The following GTPBP1 variants were observed in gnomAD, a reference collection of about 807,000 sequenced individuals.
The protein encoded by GTPBP1 is GTP binding protein 1, also known as GTP-binding protein 1.
Under a neutral mutation model 62.0 loss-of-function variants are expected in GTPBP1, and 23 were observed. The observed-to-expected ratio is 0.37, with a 90% confidence interval of 0.27 to 0.53. GTPBP1 has a LOEUF of 0.53. GTPBP1 is among the 20% of genes least tolerant of loss of function. The pLI, the probability that GTPBP1 is intolerant of heterozygous loss-of-function variation, is 0.89. For missense variants in GTPBP1, 640 were observed against 917.3 expected, an observed-to-expected ratio of 0.70 and a Z score of 3.90; for synonymous variants, 344 against 364.4, an observed-to-expected ratio of 0.94 and a Z score of 0.64.
In GTPBP1 at chr22:38,708,908, A is replaced by G. The variant is rs1226681782; in HGVS notation, c.256A>G (p.Met86Val). ...CCTACTTCGGCAGATGTGGGAGAGGATGGACGAGGGATGCGGAGAGACCAT... is the reference window on the plus strand; with the variant it reads ...CCTACTTCGGCAGATGTGGGAGAGGGTGGACGAGGGATGCGGAGAGACCAT... Reference protein sequence around the residue: ...DSLLRQMWERMDEGCGETIYV... With the variant: ...DSLLRQMWERVDEGCGETIYV... Residue 86 changes from methionine (M) to valine (V), a missense_variant, in exon 2 of 12, where the codon ATG becomes GTG. Met to Val is a conservative substitution (Grantham distance 21). Around this residue, in one of 4 missense-constraint regions of GTPBP1, gnomAD observed 215 missense variants for 235.1 expected, o/e 0.91. Coordinates refer to ENST00000216044, the MANE Select transcript of GTPBP1 (RefSeq NM_004286.5). The G allele has an allele frequency of 1.2e-6, 2 of 1,610,968 alleles. No individual in the cohort carries two copies. Among genetic ancestry groups the G allele is most frequent in the East Asian group, 2.2e-5 (1 of 44,886 alleles).
downstream of GTPBP1, chr22:38,738,968 G>A (rs1370359939): frequency 1.1e-5 from 18 of 1,612,506 alleles, no homozygotes; most frequent in Admixed American, 2.8e-4. The surrounding 1 kb of genome is among the most constrained non-coding windows in gnomAD (Gnocchi z 6.6). Flanking sequence ...TCAGAACATC[G>A]GGTGCTGATG....
Position 38,715,903 on chromosome 22 carries a change from C to T in GTPBP1, c.305-4C>T, listed in dbSNP as rs368274267. On this transcript the variant is annotated splice_region_variant and splice_polypyrimidine_tract_variant and intron_variant, in intron 2 of 11. Transcript: ENST00000216044. ...CCTGCTGATGTCTGGGCTCTTGTCA[C>T]CAGATGGGACTGAGTATGGGCTGAG... 9 of 1,600,490 alleles carry T rather than the reference C, an allele frequency of 5.6e-6. No homozygotes were observed. The highest frequency in any genetic ancestry group is 3.3e-4 in the Middle Eastern group (2 of 6,042).
chr22:38,706,427 C>T (rs2092604937), intron 1 of GTPBP1: 1 of 282,532 alleles, frequency 3.5e-6, no homozygotes, highest in East Asian at 5.9e-5. Flanking sequence ...GGCTCTGCCA[C>T]GTGGAACGGG....
chr22:38,730,980 CTGTT>C lies in GTPBP1; in HGVS notation c.*278_*281del, dbSNP rs1449475978. 9 of 438,710 alleles carry C rather than the reference CTGTT, an allele frequency of 2.1e-5. No homozygotes were observed. Among genetic ancestry groups the C allele is most frequent in the East Asian group, 1.8e-4 (4 of 21,936 alleles). 27.2% of individuals were successfully genotyped at this position (438,710 alleles called of 1,614,324 possible). ...TACATCTGGGCCCTTAGTTTTTATT[CTGTT>C]TATTATATGTCTCTGTCTCTCTCTA... On this transcript the variant is annotated 3_prime_UTR_variant, in exon 12 of 12. Transcript: ENST00000216044. The surrounding 1 kb of genome is among the most constrained non-coding windows in gnomAD (Gnocchi z 5.6).
chr22:38,739,657 C>T, downstream of GTPBP1: 1 of 1,556,316 alleles, frequency 6.4e-7, no homozygotes. The surrounding 1 kb of genome is among the most constrained non-coding windows in gnomAD (Gnocchi z 6.7). Context: ...CAGTGTGGGA[C>T]TGTCCAGGGC....
chr22:38,730,957 C>T lies in GTPBP1; in HGVS notation c.*253C>T. ...CTTCCTCACTCACACATTTTTTGTA[C>T]ATCTGGGCCCTTAGTTTTTATTCTG... On this transcript the variant is annotated 3_prime_UTR_variant, in exon 12 of 12. Transcript: ENST00000216044. This position sits in a 1 kb window ranked among gnomAD's most constrained non-coding sequence, Gnocchi z 5.6. The T allele has an allele frequency of 6.0e-6, 3 of 503,996 alleles. No homozygotes were observed. The highest frequency in any genetic ancestry group is 1.1e-5 in the Non-Finnish European group (3 of 285,324). 31.2% of individuals were successfully genotyped at this position (503,996 alleles called of 1,614,324 possible).
At chr22:38,706,769 G>C (rs1171447287) in intron 1 of GTPBP1, 2 of 152,270 alleles carry the variant, frequency 1.3e-5, no homozygotes, top group African/African-American at 2.4e-5. Context: ...AGGCTCCTTA[G>C]TCTCGCTATC....
Position 38,727,213 on chromosome 22 carries a change from A to G in GTPBP1, c.1402A>G (p.Ile468Val). 6.4e-7 allele frequency: 1 copy of G among 1,570,240 alleles called. No homozygotes were observed. The highest frequency in any genetic ancestry group is 8.6e-7 in the Non-Finnish European group (1 of 1,158,884). Residue 468 changes from isoleucine to valine, a missense_variant and splice_region_variant, in exon 9 of 12, where the codon ATC becomes GTC. Around this residue, in one of 4 missense-constraint regions of GTPBP1, gnomAD observed 220 missense variants for 358.1 expected, o/e 0.61. Transcript: ENST00000216044. This position sits in a 1 kb window ranked among gnomAD's most constrained non-coding sequence, Gnocchi z 6.5. The part of the protein sequence containing the change: ...GQTASFALKK[I>V]KRSSIRKGMV... ...GGCTGGGGCTCCCTCTTTCTTTCAG[A>G]TCAAGCGCTCGTCCATCCGGAAGGG...
At position 38,726,042 on chromosome 22, in the gene GTPBP1, C is replaced by T. The variant is rs141693189; in HGVS notation, c.1110C>T (p.Gly370=). 62 of 1,613,830 alleles carry T rather than the reference C, an allele frequency of 3.8e-5. No individual in the cohort carries two copies. The highest frequency in any genetic ancestry group is 8.0e-5 in the African/African-American group (6 of 74,862). The part of the protein sequence containing the change: ...CPIFQISNVT[G]ENLDLLKMFL... The stretch of plus-strand genomic sequence containing the variant: ...TATTCCAGATCTCCAACGTTACAGG[C>T]GAGAACCTAGATCTGCTGAAGATGT... Residue 370 remains glycine, a synonymous_variant, in exon 7 of 12, where the codon GGC becomes GGT. Coordinates refer to ENST00000216044, the MANE Select transcript of GTPBP1 (RefSeq NM_004286.5). This position sits in a 1 kb window ranked among gnomAD's most constrained non-coding sequence, Gnocchi z 4.1.
chr22:38,725,945 GC>G, intron 6 of GTPBP1, 60 bp from the exon 7 acceptor site: 1 of 1,533,662 alleles, frequency 6.5e-7, no homozygotes, highest in Non-Finnish European at 9.0e-7. Context: ...CTGTGTCAGG[GC>G]AGGACCTGGT....
At position 38,716,513 on chromosome 22, in the gene GTPBP1, C is replaced by T. The variant is rs1471044212; in HGVS notation, c.486-139C>T. 2.4e-5 allele frequency: 16 copies of T among 654,834 alleles called. No individual in the cohort carries two copies. Among genetic ancestry groups the T allele is most frequent in the Non-Finnish European group, 4.0e-5 (15 of 374,784 alleles). 40.6% of individuals were successfully genotyped at this position (654,834 alleles called of 1,614,324 possible). On this transcript the variant is annotated intron_variant, in intron 3 of 11. Coordinates refer to ENST00000216044, the MANE Select transcript of GTPBP1 (RefSeq NM_004286.5). The surrounding 1 kb of genome is among the most constrained non-coding windows in gnomAD (Gnocchi z 5.2). ...TAGGAACCTTCCCACTGTGCTCCTCCGGCTCAAGGAGGAGCTGTGAGCCGG... is the reference window on the plus strand; with the variant it reads ...TAGGAACCTTCCCACTGTGCTCCTCTGGCTCAAGGAGGAGCTGTGAGCCGG...
intron 4 of GTPBP1, among the ~76,000 whole-genome samples, chr22:38,720,472 C>G (rs1034064622): frequency 2.0e-5 from 3 of 151,042 alleles, no homozygotes; most frequent in Non-Finnish European, 4.4e-5. Flanking sequence ...TCAGGTGATT[C>G]ACCCACCTTG....
At chr22:38,739,631 C>T, downstream of GTPBP1, 1 of 1,469,310 alleles carries the variant, frequency 6.8e-7, no homozygotes, top group Non-Finnish European at 9.4e-7. This position sits in a 1 kb window ranked among gnomAD's most constrained non-coding sequence, Gnocchi z 6.7. Context: ...CATCCTGGAA[C>T]CTGCCAGGGA....
chr22:38,724,243 C>T, intron 5 of GTPBP1, 54 bp from the exon 6 acceptor site: 1 of 1,059,918 alleles, frequency 9.4e-7, no homozygotes, highest in Admixed American at 1.7e-5. Context: ...CTCTTAAAGC[C>T]TGGCCAAAGA....
Position 38,725,010 on chromosome 22 carries a change from A to G in GTPBP1, c.1073+599A>G, listed in dbSNP as rs555490217. ...AAGGTGTTCAGCTCCTTGGTGAGAG[A>G]TGCTCTCTCGATAATGGTGAACTCT... On this transcript the variant is annotated intron_variant, in intron 6 of 11. Coordinates refer to ENST00000216044, the MANE Select transcript of GTPBP1 (RefSeq NM_004286.5). Among the ~76,000 whole-genome samples, 29 of 152,220 alleles carry G rather than the reference A, an allele frequency of 1.9e-4. No individual in the cohort carries two copies. The South Asian group carries it at 2.7e-3, about 14-fold the overall frequency.
Position 38,724,385 on chromosome 22 carries a change from C to CAA in GTPBP1, c.1048_1049insAA (p.Thr350LysfsTer25). The stretch of plus-strand genomic sequence containing the variant: ...TGCAGAGCAAAGATGATGTGATTGT[C>CAA]ACAGCCTCCAACTTCAGCTCTGAAA... On this transcript the variant is annotated frameshift_variant, in exon 6 of 12. Coordinates refer to ENST00000216044, the MANE Select transcript of GTPBP1 (RefSeq NM_004286.5). LOFTEE classifies it high-confidence loss of function. 6.2e-7 allele frequency: 1 copy of CAA among 1,610,366 alleles called. No homozygotes were observed. Among genetic ancestry groups the CAA allele is most frequent in the Non-Finnish European group, 8.5e-7 (1 of 1,176,584 alleles).
chr22:38,739,015 G>A, downstream of GTPBP1: 1 of 1,589,178 alleles, frequency 6.3e-7, no homozygotes, highest in Non-Finnish European at 8.6e-7. The surrounding 1 kb of genome is among the most constrained non-coding windows in gnomAD (Gnocchi z 6.7). Context: ...AGGCAGGGTG[G>A]GCTCCCGCAC....
downstream of GTPBP1, chr22:38,738,545 C>G (rs143795190): frequency 2.0e-4 from 317 of 1,592,842 alleles, no homozygotes; most frequent in African/African-American, 3.5e-3. This position sits in a 1 kb window ranked among gnomAD's most constrained non-coding sequence, Gnocchi z 6.6. Flanking sequence ...CCACAGGATC[C>G]CCCTGCAGCC....
intron 4 of GTPBP1, among the ~76,000 whole-genome samples, chr22:38,720,573 CT>C (rs1555997766): frequency 2.0e-5 from 3 of 151,628 alleles, no homozygotes; most frequent in East Asian, 1.9e-4. Context: ...ATGCAACTTA[CT>C]TTTTTTTTCC....
Sources: allele counts gnomAD v4.1 joint callset (sites outside exome capture counted in the v4.1 genomes callset), GRCh38; gene constraint gnomAD v4.1.1; regional missense constraint gnomAD v4.1.1; non-coding constraint Gnocchi (gnomAD v3.1); transcripts MANE v1.5; gene names NCBI Gene and HGNC (gene_info 2026-07-23, HGNC 2026-07-21).